Variants in ARHGEF18 observed in about 807,000 individuals in gnomAD.
The protein encoded by ARHGEF18 is Rho/Rac guanine nucleotide exchange factor 18.
In ARHGEF18, 93 loss-of-function variants were observed where a neutral mutation model predicts 155.7. That is an observed-to-expected ratio of 0.60 (90% CI 0.50 to 0.71). The LOEUF (loss-of-function observed/expected upper bound fraction) is 0.71, where lower values mean the gene tolerates loss of function less well. ARHGEF18 is among the 30% of genes least tolerant of loss of function. The pLI is 0.00. For missense variants in ARHGEF18, 1,593 were observed against 1,816.1 expected (o/e 0.88, Z 2.23); for synonymous variants, 742 against 753.1 (o/e 0.99, Z 0.24).
chr19:7,398,690 CAAAAA>C (rs1176940342), intron 10 of ARHGEF18, among the ~76,000 whole-genome samples: 1 of 114,902 alleles, frequency 8.7e-6, no homozygotes. Context: ...GACTCTGTCT[CAAAAA>C]AAAAAAAAAA....
At chr19:7,421,480 G>T (rs1163289048) in intron 10 of ARHGEF18, among the ~76,000 whole-genome samples, 1 of 152,104 alleles carries the variant, frequency 6.6e-6, no homozygotes, top group African/African-American at 2.4e-5. Flanking sequence ...CCCAGCTTTG[G>T]CCGGTTGCAG....
At chr19:7,386,165 A>C (rs1600254407) in intron 10 of ARHGEF18, among the ~76,000 whole-genome samples, 2 of 149,844 alleles carry the variant, frequency 1.3e-5, no homozygotes, top group Middle Eastern at 6.9e-3. Context: ...GACCACATGC[A>C]TATATAACCA....
chr19:7,450,034 G>A (rs1975260261), intron 15 of ARHGEF18, among the ~76,000 whole-genome samples: 1 of 152,084 alleles, frequency 6.6e-6, no homozygotes, highest in Non-Finnish European at 1.5e-5. Context: ...TCTGGTGTCT[G>A]TCTCCTCCAA....
intron 1 of ARHGEF18, among the ~76,000 whole-genome samples, chr19:7,356,227 T>C (rs1969297667): frequency 6.6e-6 from 1 of 151,390 alleles, no homozygotes; most frequent in Admixed American, 6.6e-5. Flanking sequence ...TATTATGTCA[T>C]CAAAGGCCTG....
Position 7,463,765 on chromosome 19 carries a change from C to A in ARHGEF18, c.2636-53C>A. The A allele has an allele frequency of 1.3e-6, 2 of 1,546,622 alleles. No individual in the cohort carries two copies. Among genetic ancestry groups the A allele is most frequent in the Non-Finnish European group, 1.7e-6 (2 of 1,144,486 alleles). ...TCGCTGCCCCAGCGCTCCGTATTCC[C>A]CCAGCACACTTCCGCAGGGCGACCC... On this transcript the variant is annotated intron_variant, in intron 21 of 28. Coordinates refer to ENST00000668164, the MANE Select transcript of ARHGEF18 (RefSeq NM_001367823.1). The surrounding 1 kb of genome is among the most constrained non-coding windows in gnomAD (Gnocchi z 5.2).
intron 10 of ARHGEF18, among the ~76,000 whole-genome samples, chr19:7,415,292 T>C (rs2049159572): frequency 1.3e-5 from 2 of 151,822 alleles, no homozygotes; most frequent in African/African-American, 4.8e-5. Context: ...TAGAGCGCCC[T>C]CCTGAGCGCA....
At chr19:7,368,887 A>C (rs1366444792) in intron 2 of ARHGEF18, among the ~76,000 whole-genome samples, 1 of 152,052 alleles carries the variant, frequency 6.6e-6, no homozygotes, top group Non-Finnish European at 1.5e-5. Context: ...ACTGAAAAAG[A>C]GGGACCCTGG....
chr19:7,443,132 G>A (rs970261144), intron 13 of ARHGEF18, among the ~76,000 whole-genome samples: 6 of 141,800 alleles, frequency 4.2e-5, no homozygotes, highest in Non-Finnish European at 6.0e-5. Flanking sequence ...GTTCCATCTC[G>A]GCTCACCTCC....
intron 1 of ARHGEF18, among the ~76,000 whole-genome samples, chr19:7,360,902 G>A (rs1487735148): frequency 6.6e-6 from 1 of 152,166 alleles, no homozygotes; most frequent in Non-Finnish European, 1.5e-5. Context: ...ACCAGCCCGG[G>A]AGGGCAACCT....
At chr19:7,419,330 T>C (rs1161276753) in intron 10 of ARHGEF18, among the ~76,000 whole-genome samples, 1 of 131,776 alleles carries the variant, frequency 7.6e-6, no homozygotes, top group African/African-American at 3.5e-5. Context: ...CACCCGGGTG[T>C]GCCCACACTT....
At position 7,440,216 on chromosome 19, in the gene ARHGEF18, T is replaced by C; in HGVS notation, c.968-128T>C. 6.4e-7 allele frequency: 1 copy of C among 1,551,748 alleles called. No homozygotes were observed. The highest frequency in any genetic ancestry group is 1.4e-5 in the African/African-American group (1 of 73,178). ...AATGGAGCGAGAACGTCTTCTTGGATAACGAGCTGCTGACCTCCAAGATCC... is the reference window on the plus strand; with the variant it reads ...AATGGAGCGAGAACGTCTTCTTGGACAACGAGCTGCTGACCTCCAAGATCC... On this transcript the variant is annotated intron_variant, in intron 10 of 28. Transcript: ENST00000668164. The surrounding 1 kb of genome is among the most constrained non-coding windows in gnomAD (Gnocchi z 5.4).
chr19:7,442,907 T>C (rs928678166), intron 13 of ARHGEF18, among the ~76,000 whole-genome samples: 8 of 152,076 alleles, frequency 5.3e-5, no homozygotes, highest in African/African-American at 9.7e-5. Context: ...TTTTCTTTTT[T>C]TGAGACAGGG....
chr19:7,398,702 A>C (rs1030219128), intron 10 of ARHGEF18, among the ~76,000 whole-genome samples: 1 of 151,116 alleles, frequency 6.6e-6, no homozygotes, highest in Admixed American at 6.6e-5. Context: ...AAAAAAAAAA[A>C]AAAAATAAAG....
chr19:7,402,313 G>A (rs569583453), intron 10 of ARHGEF18, among the ~76,000 whole-genome samples: 9 of 152,256 alleles, frequency 5.9e-5, no homozygotes, highest in African/African-American at 7.2e-5. Flanking sequence ...CAGCTCCTCC[G>A]GAGGCTGAGG....
rs144012726 is a variant in ARHGEF18, at chr19:7,349,607, G to A, written c.-111+366G>A. Among the ~76,000 whole-genome samples, 570 of 151,980 alleles carry A rather than the reference G, an allele frequency of 3.8e-3. 4 individuals are homozygous for A. Among genetic ancestry groups the A allele is most frequent in the African/African-American group, 0.012 (509 of 41,440 alleles). ...AGCCCGGCCAACATGGTGAAACCCCGTCTCTACTAAAAATACAAAAATTAG... is the reference window on the plus strand; with the variant it reads ...AGCCCGGCCAACATGGTGAAACCCCATCTCTACTAAAAATACAAAAATTAG... On this transcript the variant is annotated intron_variant, in intron 1 of 28. Coordinates refer to ENST00000668164, the MANE Select transcript of ARHGEF18 (RefSeq NM_001367823.1).
chr19:7,407,990 GGTA>G (rs1202703366), intron 10 of ARHGEF18, among the ~76,000 whole-genome samples: 1 of 135,872 alleles, frequency 7.4e-6, no homozygotes, highest in African/African-American at 3.4e-5. Flanking sequence ...AAAAAAAAGA[GGTA>G]GTAGGCTGGG....
At chr19:7,391,173 G>A (rs1053481002) in intron 10 of ARHGEF18, among the ~76,000 whole-genome samples, 1 of 152,128 alleles carries the variant, frequency 6.6e-6, no homozygotes, top group Admixed American at 6.6e-5. Flanking sequence ...TTCCCAGCAG[G>A]CTGAGAAAAG....
chr19:7,468,648 A>G (rs1976812793), intron 26 of ARHGEF18, among the ~76,000 whole-genome samples, 177 bp from the exon 27 acceptor site: 1 of 152,250 alleles, frequency 6.6e-6, no homozygotes, highest in South Asian at 2.1e-4. Flanking sequence ...TGTCACCACA[A>G]GTCTGCACAT....
chr19:7,399,191 A>G (rs1157118729), intron 10 of ARHGEF18, among the ~76,000 whole-genome samples: 1 of 152,162 alleles, frequency 6.6e-6, no homozygotes, highest in Non-Finnish European at 1.5e-5. Flanking sequence ...CTCTAGGTGC[A>G]AAACAGCACC....
Sources: gnomAD v4.1 joint callset for allele counts (sites outside exome capture counted in the v4.1 genomes callset) on GRCh38, gnomAD v4.1.1 for gene constraint, Gnocchi (gnomAD v3.1) non-coding constraint, MANE v1.5 for transcripts, NCBI Gene and HGNC (gene_info 2026-07-23, HGNC 2026-07-21) for gene names.